PHACTR1: variants seen among roughly 807,000 people sequenced by gnomAD.
PHACTR1 encodes the protein phosphatase and actin regulator 1.
A neutral mutation model predicts 69.2 loss-of-function variants in PHACTR1; 16 were observed. The observed-to-expected ratio is 0.23, with a 90% CI of 0.16 to 0.35. PHACTR1 has a LOEUF of 0.35. Ranked by LOEUF, PHACTR1 falls within the 10% of genes least tolerant of loss-of-function variation. The probability of loss-of-function intolerance (pLI) is 1.00; values close to 1 mark genes in which losing one functional copy is unlikely to be tolerated. For missense variants in PHACTR1, 510 were observed against 734.7 expected (o/e 0.69, Z 3.54); for synonymous variants, 312 against 284.5 (o/e 1.10, Z -0.97).
At chr6:12,929,003 G>A (rs913574564) in intron 4 of PHACTR1, among the ~76,000 whole-genome samples, 1 of 152,214 alleles carries the variant, frequency 6.6e-6, no homozygotes, top group African/African-American at 2.4e-5. Flanking sequence ...CAATTCCAAT[G>A]TGCAGCAAAG....
chr6:12,796,457 A>T (rs1451194677), intron 4 of PHACTR1, among the ~76,000 whole-genome samples: 5 of 152,234 alleles, frequency 3.3e-5, no homozygotes, highest in Non-Finnish European at 7.3e-5. Flanking sequence ...AATGCTATGC[A>T]CAGCAAGATG....
rs926457128 is a variant in PHACTR1 at position 13,244,198 on chromosome 6, T to G, written c.1391+14005T>G. On this transcript the variant is annotated intron_variant, in intron 10 of 14. Transcript: ENST00000332995. ...GCCACAAAAACCAGCAAGTTTTTAT[T>G]AGGGGTTTTCAAAAGGGGAGGGAGT... Among the ~76,000 whole-genome samples the G allele has an allele frequency of 3.3e-5, 5 of 152,052 alleles. No homozygotes were observed. In the South Asian group the frequency reaches 6.2e-4, roughly 19 times the overall value.
At chr6:12,724,249 C>A (rs1656250078) in intron 3 of PHACTR1, among the ~76,000 whole-genome samples, 1 of 152,130 alleles carries the variant, frequency 6.6e-6, no homozygotes, top group African/African-American at 2.4e-5. Context: ...ATCACTTGGA[C>A]CCAGGAGGCA....
At chr6:12,792,840 CTTT>C (rs58524663) in intron 4 of PHACTR1, among the ~76,000 whole-genome samples, 1,263 of 120,384 alleles carry the variant, frequency 0.01, 18 homozygotes, top group African/African-American at 0.036. Flanking sequence ...TAAAGAGAAG[CTTT>C]TTTTTTTTTT....
Position 12,892,060 on chromosome 6 carries a change from C to G in PHACTR1, c.250+142270C>G, listed in dbSNP as rs183717403. ...TTCCCTAGGAAGCTACTAGCTTATGCTAAAAATCCATATTTAATACATTAG... is the reference window on the plus strand; with the variant it reads ...TTCCCTAGGAAGCTACTAGCTTATGGTAAAAATCCATATTTAATACATTAG... On this transcript the variant is annotated intron_variant, in intron 4 of 14. Coordinates refer to ENST00000332995, the MANE Select transcript of PHACTR1 (RefSeq NM_030948.6). 2.6e-3 allele frequency among the ~76,000 whole-genome samples: 388 copies of G among 150,654 alleles called. 1 individual carries two copies. Among genetic ancestry groups the G allele is most frequent in the African/African-American group, 8.9e-3 (367 of 41,064 alleles).
chr6:12,833,087 T>C (rs973748468), intron 4 of PHACTR1, among the ~76,000 whole-genome samples: 1 of 152,108 alleles, frequency 6.6e-6, no homozygotes, highest in Non-Finnish European at 1.5e-5. Context: ...ACTTCACCTA[T>C]GAGGTTCACT....
chr6:12,781,872 T>C (rs1258617289), intron 4 of PHACTR1, among the ~76,000 whole-genome samples: 1 of 152,206 alleles, frequency 6.6e-6, no homozygotes, highest in African/African-American at 2.4e-5. Flanking sequence ...AAGAATGCAT[T>C]TAGCCACACC....
intron 12 of PHACTR1, among the ~76,000 whole-genome samples, chr6:13,281,784 C>T (rs1215868665): frequency 1.3e-5 from 2 of 152,326 alleles, no homozygotes; most frequent in East Asian, 1.9e-4. Context: ...TTTTTGTTTA[C>T]GGTGACCACA....
chr6:12,809,257 T>C (rs1774747654), intron 4 of PHACTR1, among the ~76,000 whole-genome samples: 1 of 152,180 alleles, frequency 6.6e-6, no homozygotes, highest in South Asian at 2.1e-4. Flanking sequence ...GCTTTGGTAA[T>C]ATGGAAAATA....
At chr6:13,227,234 G>A (rs1011557874) in intron 8 of PHACTR1, among the ~76,000 whole-genome samples, 7 of 152,048 alleles carry the variant, frequency 4.6e-5, no homozygotes, top group Non-Finnish European at 1.0e-4. Flanking sequence ...CCAGCCTTGT[G>A]TCCATCCCGC....
chr6:13,226,251 A>G (rs1024165), intron 8 of PHACTR1, among the ~76,000 whole-genome samples: 4 of 152,362 alleles, frequency 2.6e-5, no homozygotes, highest in Non-Finnish European at 5.9e-5. Context: ...AAAAATACAA[A>G]GAGAAAAACA....
intron 4 of PHACTR1, among the ~76,000 whole-genome samples, chr6:12,837,424 A>G (rs1582010205): frequency 7.7e-6 from 1 of 129,266 alleles, no homozygotes; most frequent in Admixed American, 7.8e-5. Flanking sequence ...AATTATTTCA[A>G]ATATTATCTG....
chr6:12,994,962 T>C (rs1479518654), intron 4 of PHACTR1, among the ~76,000 whole-genome samples: 1 of 152,094 alleles, frequency 6.6e-6, no homozygotes, highest in African/African-American at 2.4e-5. Flanking sequence ...AGACCCTCAC[T>C]GAACAAAGGA....
chr6:12,746,343 C>T (rs1041555603), intron 3 of PHACTR1, among the ~76,000 whole-genome samples: 2 of 152,072 alleles, frequency 1.3e-5, no homozygotes, highest in Non-Finnish European at 2.9e-5. Context: ...AGACCAGCTA[C>T]GTCAACATAG....
At chr6:13,193,019 C>A (rs1359924513) in intron 7 of PHACTR1, among the ~76,000 whole-genome samples, 1 of 152,096 alleles carries the variant, frequency 6.6e-6, no homozygotes, top group African/African-American at 2.4e-5. Context: ...GTAAAAGCAA[C>A]CCCTTTAAAG....
chr6:12,845,231 C>T (rs1274307612), intron 4 of PHACTR1, among the ~76,000 whole-genome samples: 2 of 151,618 alleles, frequency 1.3e-5, no homozygotes, highest in Non-Finnish European at 2.9e-5. Flanking sequence ...GGAGAAGTGC[C>T]CTCAGTTATT....
chr6:12,991,009 G>A (rs186583021), intron 4 of PHACTR1, among the ~76,000 whole-genome samples: 84 of 152,194 alleles, frequency 5.5e-4, no homozygotes, highest in Middle Eastern at 3.4e-3. Flanking sequence ...ATAGCAGGGC[G>A]AGGCAGGCCA....
Position 13,287,130 on chromosome 6 carries a change from G to T in PHACTR1, c.*52G>T. 6.6e-7 allele frequency: 1 copy of T among 1,524,090 alleles called. No individual in the cohort carries two copies. Among genetic ancestry groups the T allele is most frequent in the Non-Finnish European group, 9.0e-7 (1 of 1,112,234 alleles). 94.4% of individuals were successfully genotyped at this position (1,524,090 alleles called of 1,614,324 possible). A position where few individuals can be genotyped will look rare whatever the true frequency, so the allele number is the denominator to read the frequency against. On this transcript the variant is annotated 3_prime_UTR_variant, in exon 15 of 15. Coordinates refer to ENST00000332995, the MANE Select transcript of PHACTR1 (RefSeq NM_030948.6). The stretch of plus-strand genomic sequence containing the variant: ...CTGTCTTCAAAACATAAATTTATAA[G>T]AACCATAAGTGCTGGTATTTATTCA...
intron 4 of PHACTR1, among the ~76,000 whole-genome samples, chr6:12,759,571 TC>T: frequency 6.6e-6 from 1 of 152,230 alleles, no homozygotes; most frequent in South Asian, 2.1e-4. Flanking sequence ...GCCCTTGGGC[TC>T]AGTGGGCATG....
Sources: allele counts gnomAD v4.1 joint callset (sites outside exome capture counted in the v4.1 genomes callset), GRCh38; gene constraint gnomAD v4.1.1; transcripts MANE v1.5; gene names NCBI Gene and HGNC (gene_info 2026-07-23, HGNC 2026-07-21).